The following WNT7B variants were observed in gnomAD, a reference collection of about 807,000 sequenced individuals.
WNT7B encodes Wnt family member 7B.
A neutral mutation model predicts 38.2 loss-of-function variants in WNT7B; 19 were observed. That is an observed-to-expected ratio of 0.50 (90% CI 0.35 to 0.73). The LOEUF is 0.73. WNT7B is among the 30% of genes least tolerant of loss of function. WNT7B has a pLI of 0.01. For synonymous variants in WNT7B, 243 were observed against 209.3 expected (o/e 1.16, Z -1.39); for missense variants, 423 against 507.9 (o/e 0.83, Z 1.61).
Position 45,976,387 on chromosome 22 carries a change from C to T in WNT7B, c.71+297G>A, listed in dbSNP as rs1932552047. On this transcript the variant is annotated intron_variant, in intron 1 of 3. Coordinates refer to ENST00000339464, the MANE Select transcript of WNT7B (RefSeq NM_058238.3). The surrounding 1 kb of genome is among the most constrained non-coding windows in gnomAD (Gnocchi z 8.5). ...GCGTCCCACCCCCGGGGCCTGGAGC[C>T]CAAACAGGTGAAAGTACGCGCCGGG... Among the ~76,000 whole-genome samples the T allele has an allele frequency of 6.6e-6, 1 of 151,446 alleles. No individual in the cohort carries two copies. The highest frequency in any genetic ancestry group is 6.6e-5 in the Admixed American group (1 of 15,242).
At chr22:45,926,964 C>T in intron 3 of WNT7B, 1 of 985,464 alleles carries the variant, frequency 1.0e-6, no homozygotes, top group Non-Finnish European at 1.2e-6. Flanking sequence ...GGGACATGGC[C>T]AGCTAAGGGG....
At chr22:45,925,620 C>T in intron 3 of WNT7B, 1 of 985,334 alleles carries the variant, frequency 1.0e-6, no homozygotes, top group Non-Finnish European at 1.2e-6. Context: ...CTGTTCATCT[C>T]TGCTGGGATC....
intron 2 of WNT7B, among the ~76,000 whole-genome samples, chr22:45,941,728 C>A (rs1462388739): frequency 1.3e-5 from 2 of 152,156 alleles, no homozygotes; most frequent in African/African-American, 4.8e-5. Context: ...CCAGCATTGC[C>A]CAGCCCCCAC....
At position 45,958,537 on chromosome 22, in the gene WNT7B, A is replaced by G. The variant is rs942280493; in HGVS notation, c.72-8391T>C. On this transcript the variant is annotated intron_variant, in intron 1 of 3. Transcript: ENST00000339464. ...CCACTCCATGCCTGACTGGCCTCAG[A>G]GTCCCCTCATGGTTGCTATTTCAAA... Among the ~76,000 whole-genome samples the G allele has an allele frequency of 3.0e-4, 45 of 152,184 alleles. 1 individual carries two copies. Among genetic ancestry groups the G allele is most frequent in the Admixed American group, 3.3e-4 (5 of 15,282 alleles).
chr22:45,964,481 G>A (rs1001567540), intron 1 of WNT7B, among the ~76,000 whole-genome samples: 3 of 152,184 alleles, frequency 2.0e-5, no homozygotes, highest in Admixed American at 6.5e-5. Context: ...AATGGAGATG[G>A]CGGAGTGATG....
chr22:45,929,644 TCA>T (rs751267639), intron 3 of WNT7B, among the ~76,000 whole-genome samples: 15,168 of 100,564 alleles, frequency 0.15, 843 homozygotes, highest in African/African-American at 0.2. Context: ...ATGCATCCAC[TCA>T]TCCATCCTTC....
intron 3 of WNT7B, chr22:45,927,440 G>A (rs1931122250): frequency 6.5e-7 from 1 of 1,546,390 alleles, no homozygotes; most frequent in Non-Finnish European, 8.7e-7. Context: ...GCCAGCTAGG[G>A]GAACGGCATA....
rs28490063 is a variant in WNT7B at position 45,952,577 on chromosome 22, C to T, written c.72-2431G>A. Among the ~76,000 whole-genome samples the T allele has an allele frequency of 9.8e-3, 1,488 of 152,348 alleles. 27 individuals are homozygous for T. The highest frequency in any genetic ancestry group is 0.034 in the African/African-American group (1,428 of 41,574). Reference sequence around the variant, plus strand: ...GAACCCTGCCGGGCACCCTGTTTGCCGTGGGGCAGAGCCCGCCTCAGTCCC... The same window carrying T: ...GAACCCTGCCGGGCACCCTGTTTGCTGTGGGGCAGAGCCCGCCTCAGTCCC... On this transcript the variant is annotated intron_variant, in intron 1 of 3. Transcript: ENST00000339464.
At chr22:45,934,780 A>ATTCCTTTTTTATTTGCTTTTT (rs1931469976) in intron 2 of WNT7B, among the ~76,000 whole-genome samples, 1 of 152,200 alleles carries the variant, frequency 6.6e-6, no homozygotes, top group Non-Finnish European at 1.5e-5. Flanking sequence ...GCTCCTGCTA[A>ATTCCTTTTTTATTTGCTTTTT]TTCCTTTTTT....
chr22:45,930,813 C>G (rs1440628181), intron 3 of WNT7B, among the ~76,000 whole-genome samples: 2 of 152,220 alleles, frequency 1.3e-5, no homozygotes, highest in Non-Finnish European at 2.9e-5. Flanking sequence ...CCAGCCAAGC[C>G]CAGCTCACAC....
At position 45,920,570 on chromosome 22, in the gene WNT7B, G is replaced by A. The variant is rs950356898; in HGVS notation, c.*2286C>T. 1 of 150,972 alleles carries A rather than the reference G, an allele frequency of 6.6e-6. No individual in the cohort carries two copies. Among genetic ancestry groups the A allele is most frequent in the African/African-American group, 2.4e-5 (1 of 41,026 alleles). The allele number at this position is 150,972 out of a possible 1,614,324, so 9.4% of individuals were successfully genotyped here. ...GTGCCCGGCAGCCAAGGGACAGTGC[G>A]AGTGTCTCGGTGGCATCAGGGGCCC... is the stretch of plus-strand genomic sequence containing the variant. On this transcript the variant is annotated 3_prime_UTR_variant, in exon 4 of 4. Transcript: ENST00000339464.
rs1931941325 is a variant in WNT7B at position 45,951,859 on chromosome 22, T to C, written c.72-1713A>G. 6.6e-6 allele frequency among the ~76,000 whole-genome samples: 1 copy of C among 152,252 alleles called. No homozygotes were observed. Among genetic ancestry groups the C allele is most frequent in the South Asian group, 2.1e-4 (1 of 4,834 alleles). On this transcript the variant is annotated intron_variant, in intron 1 of 3. Coordinates refer to ENST00000339464, the MANE Select transcript of WNT7B (RefSeq NM_058238.3). The surrounding 1 kb of genome is among the most constrained non-coding windows in gnomAD (Gnocchi z 4.8). ...GCCATGAACGTGCGGGTAAGGTTTC[T>C]GTTTGAGCCTGTTTTCAGTCTCTGG...
intron 2 of WNT7B, among the ~76,000 whole-genome samples, chr22:45,934,239 G>A (rs190474651): frequency 9.2e-5 from 14 of 152,282 alleles, no homozygotes; most frequent in African/African-American, 3.1e-4. Context: ...CGGGGGCCCT[G>A]GAAGGTCCTT....
chr22:45,971,249 G>A (rs1366746595), intron 1 of WNT7B, among the ~76,000 whole-genome samples: 4 of 151,898 alleles, frequency 2.6e-5, no homozygotes, highest in African/African-American at 7.2e-5. Flanking sequence ...GAGGGGGAGG[G>A]GGAAGGGAAG....
chr22:45,946,954 A>G (rs1309896367), intron 2 of WNT7B, among the ~76,000 whole-genome samples: 2 of 152,250 alleles, frequency 1.3e-5, no homozygotes, highest in Non-Finnish European at 2.9e-5. Flanking sequence ...CTCAGGGCCA[A>G]TCATTAATTG....
At chr22:45,948,947 C>T (rs1931863082) in intron 2 of WNT7B, among the ~76,000 whole-genome samples, 1 of 146,056 alleles carries the variant, frequency 6.8e-6, no homozygotes, top group Non-Finnish European at 1.5e-5. Context: ...CTCCCGGATT[C>T]AAGCAATTCT....
chr22:45,957,311 C>T (rs1022958755), intron 1 of WNT7B, among the ~76,000 whole-genome samples: 3 of 152,038 alleles, frequency 2.0e-5, no homozygotes, highest in Non-Finnish European at 2.9e-5. Flanking sequence ...AAAAGTAAAG[C>T]ATTATAGCAT....
At chr22:45,941,811 C>T (rs947537898) in intron 2 of WNT7B, among the ~76,000 whole-genome samples, 99 of 152,240 alleles carry the variant, frequency 6.5e-4, no homozygotes, top group African/African-American at 2.0e-3. Flanking sequence ...ACTCCTCGAG[C>T]CTCAGCTTCC....
chr22:45,922,710 G>C lies in WNT7B; in HGVS notation c.*146C>G. The C allele has an allele frequency of 2.3e-6, 3 of 1,308,178 alleles. No individual in the cohort carries two copies. Among genetic ancestry groups the C allele is most frequent in the Non-Finnish European group, 3.1e-6 (3 of 978,862 alleles). The allele number at this position is 1,308,178 out of a possible 1,614,324, so 81.0% of individuals were successfully genotyped here. On this transcript the variant is annotated 3_prime_UTR_variant, in exon 4 of 4. Coordinates refer to ENST00000339464, the MANE Select transcript of WNT7B (RefSeq NM_058238.3). Reference sequence around the variant, plus strand: ...GAGGCGGGCAGAGGGCGTGGGCCCCGGCCGGTGCCCTCCTGCACCTGGAGC... The same window carrying C: ...GAGGCGGGCAGAGGGCGTGGGCCCCCGCCGGTGCCCTCCTGCACCTGGAGC...
Sources: gnomAD v4.1 joint callset for allele counts (sites outside exome capture counted in the v4.1 genomes callset) on GRCh38, gnomAD v4.1.1 for gene constraint, Gnocchi (gnomAD v3.1) non-coding constraint, MANE v1.5 for transcripts, NCBI Gene and HGNC (gene_info 2026-07-23, HGNC 2026-07-21) for gene names.